Variants in OXCT1 observed in about 807,000 individuals in gnomAD.
OXCT1 encodes the protein succinyl-CoA:3-ketoacid coenzyme A transferase 1, mitochondrial.
In OXCT1, 27 loss-of-function variants were observed where a neutral mutation model predicts 69.6. That is an observed-to-expected ratio of 0.39 (90% CI 0.29 to 0.54). The LOEUF (loss-of-function observed/expected upper bound fraction) is 0.54, where lower values mean the gene tolerates loss of function less well. OXCT1 is among the 20% of genes least tolerant of loss of function. The pLI is 0.72. For missense variants in OXCT1, 437 were observed against 650.2 expected (o/e 0.67, Z 3.57); for synonymous variants, 202 against 217.8 (o/e 0.93, Z 0.64).
intron 15 of OXCT1, among the ~76,000 whole-genome samples, chr5:41,741,083 TG>T (rs1157872036): frequency 6.6e-6 from 1 of 151,982 alleles, no homozygotes; most frequent in Non-Finnish European, 1.5e-5. Context: ...CCTGAGTAGC[TG>T]GGATTACAGG....
chr5:41,773,162 T>A (rs945625142), intron 13 of OXCT1, among the ~76,000 whole-genome samples: 4 of 152,182 alleles, frequency 2.6e-5, no homozygotes, highest in Admixed American at 6.5e-5. Flanking sequence ...CTACCTTATC[T>A]TTTTAAGTCA....
chr5:41,731,726 AT>A lies in OXCT1; in HGVS notation c.*2del. 6.2e-7 allele frequency: 1 copy of A among 1,607,168 alleles called. No homozygotes were observed. Among genetic ancestry groups the A allele is most frequent in the East Asian group, 2.2e-5 (1 of 44,808 alleles). On this transcript the variant is annotated 3_prime_UTR_variant, in exon 17 of 17. Coordinates refer to ENST00000196371, the MANE Select transcript of OXCT1 (RefSeq NM_000436.4). ...CACGCAGCCTGGTACAAATATCCAT[AT>A]TTCAATTTGCGATCTGCTGCATTGG...
chr5:41,734,197 T>C (rs1359976256), intron 16 of OXCT1, among the ~76,000 whole-genome samples: 3 of 152,254 alleles, frequency 2.0e-5, no homozygotes, highest in Non-Finnish European at 4.4e-5. Context: ...TTGGTTCTAT[T>C]TTATTCATAT....
intron 15 of OXCT1, among the ~76,000 whole-genome samples, chr5:41,748,200 T>G (rs1041063349): frequency 5.3e-5 from 8 of 152,028 alleles, no homozygotes; most frequent in African/African-American, 1.9e-4. Context: ...CTCTTCATCA[T>G]GAAGAGGGAA....
intron 16 of OXCT1, among the ~76,000 whole-genome samples, chr5:41,737,610 CTAAT>C (rs755478823): frequency 5.3e-5 from 8 of 152,226 alleles, no homozygotes; most frequent in Admixed American, 6.5e-5. Context: ...TATTGAAAGG[CTAAT>C]TAAAGATGTG....
At chr5:41,865,264 A>C (rs1749910047) in intron 1 of OXCT1, among the ~76,000 whole-genome samples, 1 of 152,170 alleles carries the variant, frequency 6.6e-6, no homozygotes, top group African/African-American at 2.4e-5. Context: ...ATATAACTAC[A>C]GGCTTGTCAA....
intron 11 of OXCT1, among the ~76,000 whole-genome samples, chr5:41,795,146 C>T (rs966588193): frequency 2.6e-5 from 4 of 152,130 alleles, no homozygotes; most frequent in East Asian, 1.9e-4. Flanking sequence ...TCATAAGGAA[C>T]GGGCAACCTA....
intron 13 of OXCT1, among the ~76,000 whole-genome samples, chr5:41,781,814 C>T (rs1012410854): frequency 6.6e-6 from 1 of 152,138 alleles, no homozygotes; most frequent in East Asian, 1.9e-4. Flanking sequence ...CATAGTATAG[C>T]ATGGTATATA....
At chr5:41,837,955 G>C (rs763840560) in intron 7 of OXCT1, among the ~76,000 whole-genome samples, 1 of 152,086 alleles carries the variant, frequency 6.6e-6, no homozygotes, top group South Asian at 2.1e-4. Flanking sequence ...TAAGGAATAC[G>C]GTAGTGACTA....
At chr5:41,853,204 T>C (rs901824323) in intron 4 of OXCT1, among the ~76,000 whole-genome samples, 7 of 152,244 alleles carry the variant, frequency 4.6e-5, no homozygotes, top group African/African-American at 1.7e-4. Context: ...TCTTGCAGCC[T>C]GGATATCTTT....
At chr5:41,770,575 G>C (rs1326580312) in intron 13 of OXCT1, among the ~76,000 whole-genome samples, 1 of 152,104 alleles carries the variant, frequency 6.6e-6, no homozygotes, top group Non-Finnish European at 1.5e-5. Context: ...ATACCTGTTA[G>C]GTGTTCTGTG....
intron 16 of OXCT1, among the ~76,000 whole-genome samples, chr5:41,733,308 G>A (rs1230287183): frequency 2.0e-5 from 3 of 149,068 alleles, no homozygotes; most frequent in Admixed American, 6.8e-5. Flanking sequence ...GTGCAATGGC[G>A]CGATCTTGGC....
chr5:41,760,410 T>C (rs559590985), intron 14 of OXCT1, among the ~76,000 whole-genome samples: 2 of 152,110 alleles, frequency 1.3e-5, no homozygotes, highest in Non-Finnish European at 2.9e-5. Flanking sequence ...GTAAAAAATA[T>C]GATCTTTCTT....
chr5:41,867,534 G>A (rs1001340791), intron 1 of OXCT1, among the ~76,000 whole-genome samples: 9 of 152,206 alleles, frequency 5.9e-5, no homozygotes, highest in Admixed American at 3.9e-4. Flanking sequence ...TGATCAATTG[G>A]AAGTGCAGCA....
chr5:41,737,272 G>C (rs1742930950), intron 16 of OXCT1, among the ~76,000 whole-genome samples: 1 of 152,212 alleles, frequency 6.6e-6, no homozygotes, highest in African/African-American at 2.4e-5. Flanking sequence ...GAAAAGAAGA[G>C]ATGGTACTGA....
chr5:41,814,462 C>G (rs1747133927), intron 7 of OXCT1, among the ~76,000 whole-genome samples: 1 of 151,944 alleles, frequency 6.6e-6, no homozygotes, highest in African/African-American at 2.4e-5. Flanking sequence ...ATAGCAAAGA[C>G]TTAGAACCAA....
At chr5:41,792,574 TACAC>T (rs1443840489) in intron 13 of OXCT1, among the ~76,000 whole-genome samples, 1 of 152,200 alleles carries the variant, frequency 6.6e-6, no homozygotes, top group African/African-American at 2.4e-5. Context: ...TGTAATATCC[TACAC>T]AAGTATTTCC....
chr5:41,853,668 C>T (rs1749293540), intron 3 of OXCT1, 114 bp from the exon 4 acceptor site: 2 of 1,154,882 alleles, frequency 1.7e-6, no homozygotes, highest in Non-Finnish European at 1.3e-6. Context: ...TTCTTATAGG[C>T]ATTTGATCCA....
At chr5:41,855,319 T>C (rs757483708) in intron 3 of OXCT1, among the ~76,000 whole-genome samples, 1 of 152,208 alleles carries the variant, frequency 6.6e-6, no homozygotes, top group Non-Finnish European at 1.5e-5. Context: ...GTACTGGTCA[T>C]GTTCCATTTA....
Sources: gnomAD v4.1 joint callset for allele counts (sites outside exome capture counted in the v4.1 genomes callset) on GRCh38, gnomAD v4.1.1 for gene constraint, MANE v1.5 for transcripts, NCBI Gene and HGNC (gene_info 2026-07-23, HGNC 2026-07-21) for gene names.